Variants in LEKR1 observed in about 807,000 individuals in gnomAD.
LEKR1 encodes the protein protein LEKR1.
In LEKR1, 59 loss-of-function variants were observed where a neutral mutation model predicts 72.4. The ratio of observed to expected loss-of-function variants is 0.82; its 90% confidence interval spans 0.66 to 1.01. The LOEUF (loss-of-function observed/expected upper bound fraction) is 1.01. LEKR1 is among the 50% of genes least tolerant of loss of function. The pLI is 0.00. For synonymous variants in LEKR1, 257 were observed against 263.2 expected (o/e 0.98, Z 0.23); for missense variants, 728 against 759.2 (o/e 0.96, Z 0.48).
chr3:156,838,378 C>G (rs1021919860), intron 2 of LEKR1, among the ~76,000 whole-genome samples: 2 of 152,144 alleles, frequency 1.3e-5, no homozygotes, highest in African/African-American at 4.8e-5. Flanking sequence ...CCTTCCAAAC[C>G]AGGATTCCTA....
intron 9 of LEKR1, among the ~76,000 whole-genome samples, chr3:157,010,898 A>T (rs1215409669): frequency 6.6e-6 from 1 of 152,092 alleles, no homozygotes; most frequent in Non-Finnish European, 1.5e-5. Context: ...ACATCTCTCT[A>T]CTTAATTTGG....
chr3:156,876,956 G>C (rs1440591912), intron 3 of LEKR1, among the ~76,000 whole-genome samples: 3 of 108,118 alleles, frequency 2.8e-5, no homozygotes, highest in African/African-American at 8.0e-5. Context: ...TTGGCTGTCA[G>C]CTTGTCATAG....
rs190614753 is a variant in LEKR1, at chr3:156,986,615, A to T, written c.828-6038A>T. Among the ~76,000 whole-genome samples the T allele has an allele frequency of 3.9e-5, 6 of 152,316 alleles. No individual in the cohort carries two copies. In the East Asian group the frequency reaches 9.6e-4, roughly 24 times the overall value. On this transcript the variant is annotated intron_variant, in intron 7 of 12. Transcript: ENST00000356539. ...AGTTGAGAGGCAGCAAAGTGCAGTG[A>T]CTGAGAGCTCAGACTCCAGATCCAG...
chr3:156,902,637 A>G (rs1722144963), intron 3 of LEKR1, among the ~76,000 whole-genome samples: 4 of 152,148 alleles, frequency 2.6e-5, no homozygotes, highest in Non-Finnish European at 4.4e-5. Context: ...AAAGGAGGCA[A>G]GGCCAGCTCC....
chr3:156,854,702 G>A (rs1180359431), intron 3 of LEKR1, among the ~76,000 whole-genome samples: 2 of 151,326 alleles, frequency 1.3e-5, no homozygotes, highest in African/African-American at 4.8e-5. Context: ...CACCATGCCT[G>A]GCTAATTTTT....
At chr3:156,901,831 C>T (rs1026187379) in intron 3 of LEKR1, among the ~76,000 whole-genome samples, 3 of 152,046 alleles carry the variant, frequency 2.0e-5, no homozygotes, top group South Asian at 2.1e-4. Flanking sequence ...GGACTACAGG[C>T]GCCGGCCCCA....
At chr3:156,981,138 G>A (rs555393783) in intron 7 of LEKR1, among the ~76,000 whole-genome samples, 12 of 152,256 alleles carry the variant, frequency 7.9e-5, no homozygotes, top group Admixed American at 3.3e-4. Flanking sequence ...TATAGCCTAC[G>A]TGTGTAGTAG....
At chr3:157,043,104 C>T (rs1380663197) in intron 12 of LEKR1, among the ~76,000 whole-genome samples, 5 of 152,176 alleles carry the variant, frequency 3.3e-5, no homozygotes, top group Non-Finnish European at 7.3e-5. Flanking sequence ...AACTCTCTTG[C>T]TCCTGCTCCC....
chr3:156,903,183 G>A (rs537123861), intron 3 of LEKR1, among the ~76,000 whole-genome samples: 9 of 152,050 alleles, frequency 5.9e-5, no homozygotes, highest in Admixed American at 1.3e-4. Flanking sequence ...CTATAAAAAT[G>A]AATATTCCCA....
At chr3:156,930,262 G>A (rs1344844472) in intron 5 of LEKR1, among the ~76,000 whole-genome samples, 2 of 151,930 alleles carry the variant, frequency 1.3e-5, no homozygotes, top group African/African-American at 2.4e-5. Flanking sequence ...AATGAATGGA[G>A]CCCCAGCATC....
At chr3:157,026,440 A>G (rs1734198103) in intron 11 of LEKR1, among the ~76,000 whole-genome samples, 1 of 152,218 alleles carries the variant, frequency 6.6e-6, no homozygotes, top group African/African-American at 2.4e-5. Flanking sequence ...TTAAAAAATA[A>G]AAACATATTT....
chr3:156,870,544 T>A (rs1470663005), intron 3 of LEKR1, among the ~76,000 whole-genome samples: 1 of 152,144 alleles, frequency 6.6e-6, no homozygotes, highest in East Asian at 1.9e-4. Context: ...ATTTATGTCC[T>A]GCAATTTAAC....
intron 3 of LEKR1, among the ~76,000 whole-genome samples, chr3:156,894,607 A>G (rs1720992616): frequency 6.6e-6 from 1 of 152,238 alleles, no homozygotes; most frequent in Non-Finnish European, 1.5e-5. Context: ...CAAGAAGAGT[A>G]AAGCCAAAGG....
intron 3 of LEKR1, among the ~76,000 whole-genome samples, chr3:156,887,351 G>A (rs776267431): frequency 3.9e-5 from 6 of 152,122 alleles, no homozygotes; most frequent in Non-Finnish European, 7.3e-5. Context: ...GTGAGGCAGT[G>A]AGTGTGGCTG....
chr3:156,851,977 C>T (rs1715418765), intron 2 of LEKR1, among the ~76,000 whole-genome samples: 1 of 152,036 alleles, frequency 6.6e-6, no homozygotes, highest in South Asian at 2.1e-4. Flanking sequence ...TTTCACTGGC[C>T]CTATGCTGGC....
intron 4 of LEKR1, among the ~76,000 whole-genome samples, chr3:156,927,155 A>G (rs1244153852): frequency 3.3e-5 from 5 of 151,954 alleles, no homozygotes. Context: ...AAAGATTAAT[A>G]GAACAAATGT....
intron 12 of LEKR1, among the ~76,000 whole-genome samples, chr3:157,043,529 G>A (rs1735523126): frequency 6.6e-6 from 1 of 152,028 alleles, no homozygotes; most frequent in South Asian, 2.1e-4. Flanking sequence ...AACTAATTTA[G>A]GCATAGGCAG....
Position 156,899,623 on chromosome 3 carries a change from C to CATAT in LEKR1, c.264-20951_264-20950insTATA, listed in dbSNP as rs1560064663. Among the ~76,000 whole-genome samples the CATAT allele has an allele frequency of 3.9e-3, 352 of 89,810 alleles. 28 individuals are homozygous for CATAT. Among genetic ancestry groups the CATAT allele is most frequent in the African/African-American group, 0.016 (330 of 20,522 alleles). 58.9% of individuals were successfully genotyped at this position (89,810 alleles called of 152,430 possible). Reference sequence around the variant, plus strand: ...ATACGTATATATACACACATATATACACATATATACACGCATATATACACA... The same window carrying CATAT: ...ATACGTATATATACACACATATATACATATACATATATACACGCATATATACACA... On this transcript the variant is annotated intron_variant, in intron 3 of 12. Coordinates refer to ENST00000356539, the MANE Select transcript of LEKR1 (RefSeq NM_001004316.3).
chr3:156,974,904 C>T (rs1319623599), intron 6 of LEKR1, among the ~76,000 whole-genome samples: 1 of 152,076 alleles, frequency 6.6e-6, no homozygotes, highest in African/African-American at 2.4e-5. Flanking sequence ...ACTGGTGACA[C>T]CAGGTCCAAG....
Sources: gnomAD v4.1 joint callset for allele counts (sites outside exome capture counted in the v4.1 genomes callset) on GRCh38, gnomAD v4.1.1 for gene constraint, MANE v1.5 for transcripts, NCBI Gene and HGNC (gene_info 2026-07-23, HGNC 2026-07-21) for gene names.